Variants in TRIM37 observed in about 807,000 individuals in gnomAD.
The protein encoded by TRIM37 is tripartite motif containing 37.
Under a neutral mutation model 129.8 loss-of-function variants are expected in TRIM37, and 80 were observed. The ratio of observed to expected loss-of-function variants is 0.62; its 90% CI spans 0.51 to 0.74. The LOEUF (loss-of-function observed/expected upper bound fraction) is 0.74, where lower values mean the gene tolerates loss of function less well. Ranked by LOEUF, TRIM37 falls within the 30% of genes least tolerant of loss-of-function variation. The pLI is 0.00. For missense variants in TRIM37, 1,054 were observed against 1,176.5 expected (o/e 0.90, Z 1.52); for synonymous variants, 389 against 387.1 (o/e 1.00, Z -0.06).
At chr17:59,012,254 CCA>C in intron 22 of TRIM37, 72 bp downstream of exon 22, 4 of 977,922 alleles carry the variant, frequency 4.1e-6, no homozygotes, top group Non-Finnish European at 4.9e-6. Context: ...ACCACCACCA[CCA>C]CCCACCACCC....
intron 2 of TRIM37, among the ~76,000 whole-genome samples, chr17:59,097,748 AAAAG>A (rs1025282104): frequency 6.6e-6 from 1 of 152,192 alleles, no homozygotes; most frequent in African/African-American, 2.4e-5. Flanking sequence ...ATAAAAAACA[AAAAG>A]AAAGACTTAT....
downstream of TRIM37, chr17:58,980,774 C>T (rs146379787): frequency 2.0e-5 from 33 of 1,614,014 alleles, no homozygotes; most frequent in East Asian, 2.0e-4. This position sits in a 1 kb window ranked among gnomAD's most constrained non-coding sequence, Gnocchi z 4.7. Flanking sequence ...GTCTCATTTA[C>T]GCCACCACTA....
At chr17:59,003,922 TAAAAA>T (rs60843441) in intron 22 of TRIM37, among the ~76,000 whole-genome samples, 1 of 89,578 alleles carries the variant, frequency 1.1e-5, no homozygotes, top group African/African-American at 4.3e-5. Flanking sequence ...CCCATCTCTA[TAAAAA>T]AAAAAAAAAA....
chr17:59,047,836 A>G lies in TRIM37; in HGVS notation c.1531-17T>C, dbSNP rs779684122. 30 of 1,613,466 alleles carry G rather than the reference A, an allele frequency of 1.9e-5. No individual in the cohort carries two copies. The South Asian group carries it at 3.2e-4, about 17-fold the overall frequency. On this transcript the variant is annotated splice_polypyrimidine_tract_variant and intron_variant, in intron 15 of 23. Coordinates refer to ENST00000262294, the MANE Select transcript of TRIM37 (RefSeq NM_015294.6). ...AAGCTCGTGCTAGATCAATGCCAAGAAAACAAGACGTCTATTCCAAATGTT... is the reference window on the plus strand; with the variant it reads ...AAGCTCGTGCTAGATCAATGCCAAGGAAACAAGACGTCTATTCCAAATGTT...
Position 59,051,082 on chromosome 17 carries a change from A to G in TRIM37, c.1314+132T>C, listed in dbSNP as rs182089981. On this transcript the variant is annotated intron_variant, in intron 14 of 23. Coordinates refer to ENST00000262294, the MANE Select transcript of TRIM37 (RefSeq NM_015294.6). ...AGAACTGGTAAGGATGGGGAACAAG[A>G]TAACTAGATTTTTTTTCTAATTACA... is the stretch of plus-strand genomic sequence containing the variant. 4.3e-5 allele frequency: 29 copies of G among 668,656 alleles called. No homozygotes were observed. In the East Asian group the frequency reaches 7.6e-4, roughly 17 times the overall value. The allele number at this position is 668,656 out of a possible 1,614,324, so 41.4% of individuals were successfully genotyped here.
chr17:59,029,137 C>T (rs2037553957), intron 18 of TRIM37, among the ~76,000 whole-genome samples: 2 of 152,064 alleles, frequency 1.3e-5, no homozygotes, highest in African/African-American at 4.8e-5. Context: ...ATTAAAAATA[C>T]ATATTTCTGG....
rs556102216 is a variant in TRIM37, at chr17:59,042,258, C to A, written c.1668-360G>T. ...GGGTGTGGTGGCAGGCACCTGTAGT[C>A]CCAGCTACTCAGGAGGCTGAATCAG... On this transcript the variant is annotated intron_variant, in intron 16 of 23. Transcript: ENST00000262294. Among the ~76,000 whole-genome samples the A allele has an allele frequency of 2.0e-5, 3 of 150,006 alleles. No individual in the cohort carries two copies. In the South Asian group the frequency reaches 6.4e-4, roughly 32 times the overall value.
chr17:59,040,851 C>T (rs2039063445), intron 17 of TRIM37, among the ~76,000 whole-genome samples: 1 of 151,396 alleles, frequency 6.6e-6, no homozygotes, highest in African/African-American at 2.4e-5. Flanking sequence ...TCAAGACCAT[C>T]CTGGCTAACA....
chr17:59,078,518 T>C (rs1568187818), intron 7 of TRIM37, among the ~76,000 whole-genome samples: 1 of 152,162 alleles, frequency 6.6e-6, no homozygotes, highest in Non-Finnish European at 1.5e-5. Flanking sequence ...AAATGTTTAT[T>C]TGGCTACGAC....
downstream of TRIM37, among the ~76,000 whole-genome samples, chr17:58,979,653 C>A (rs2031246604): frequency 6.6e-6 from 1 of 152,132 alleles, no homozygotes; most frequent in Admixed American, 6.6e-5. Context: ...TTTTTCAGTA[C>A]AGCAACAAAC....
chr17:59,046,633 T>C (rs1167832790), intron 16 of TRIM37, among the ~76,000 whole-genome samples: 5 of 148,932 alleles, frequency 3.4e-5, no homozygotes, highest in Admixed American at 2.7e-4. Flanking sequence ...GCCTCCCGGG[T>C]TCACCCCATT....
chr17:59,008,190 T>G lies in TRIM37; in HGVS notation c.2695+4138A>C, dbSNP rs148141818. 2.3e-3 allele frequency among the ~76,000 whole-genome samples: 346 copies of G among 152,312 alleles called. 6 individuals are homozygous for G. The highest frequency in any genetic ancestry group is 0.016 in the Admixed American group (252 of 15,292). On this transcript the variant is annotated intron_variant, in intron 22 of 23. Transcript: ENST00000262294. The stretch of plus-strand genomic sequence containing the variant: ...CAGTTAGTCTCCTTCTCACAGTCTA[T>G]CCTGGGACTCTGGAGGTAAACAAGC...
At chr17:59,053,774 A>G (rs527817654) in intron 13 of TRIM37, among the ~76,000 whole-genome samples, 3 of 152,312 alleles carry the variant, frequency 2.0e-5, no homozygotes, top group Non-Finnish European at 4.4e-5. Context: ...CTGAAAAGCT[A>G]TACGAAGAAA....
intron 8 of TRIM37, among the ~76,000 whole-genome samples, chr17:59,071,725 T>G (rs1460908367): frequency 2.0e-5 from 3 of 152,146 alleles, no homozygotes; most frequent in African/African-American, 7.2e-5. Context: ...TGGGAAAAAG[T>G]AACAAATCTA....
downstream of TRIM37, among the ~76,000 whole-genome samples, chr17:58,995,799 C>T (rs991787191): frequency 5.3e-5 from 8 of 151,940 alleles, no homozygotes; most frequent in East Asian, 1.9e-4. Flanking sequence ...GAGGCTGAGA[C>T]GGGAGGGTCA....
chr17:59,037,334 A>G (rs1047540941), intron 17 of TRIM37, among the ~76,000 whole-genome samples: 12 of 151,872 alleles, frequency 7.9e-5, no homozygotes, highest in African/African-American at 2.9e-4. Context: ...CAAGGAGGGC[A>G]GATCACAAGA....
chr17:59,082,774 T>C (rs962648930), intron 5 of TRIM37, among the ~76,000 whole-genome samples: 8 of 152,240 alleles, frequency 5.3e-5, no homozygotes, highest in African/African-American at 1.9e-4. Context: ...TATCCCATTA[T>C]TGTCTCCAAA....
intron 3 of TRIM37, among the ~76,000 whole-genome samples, chr17:59,090,916 C>A (rs1357957806): frequency 6.6e-6 from 1 of 152,096 alleles, no homozygotes; most frequent in Non-Finnish European, 1.5e-5. Flanking sequence ...ATGAGCGAGC[C>A]ACTGTGCCCG....
At chr17:59,060,967 CA>C in intron 12 of TRIM37, 64 bp downstream of exon 12, 2 of 1,223,854 alleles carry the variant, frequency 1.6e-6, no homozygotes, top group East Asian at 4.8e-5. Flanking sequence ...TAAAAATTAA[CA>C]AAAATTGCTA....
Sources: allele counts gnomAD v4.1 joint callset (sites outside exome capture counted in the v4.1 genomes callset), GRCh38; gene constraint gnomAD v4.1.1; non-coding constraint Gnocchi (gnomAD v3.1); transcripts MANE v1.5; gene names NCBI Gene and HGNC (gene_info 2026-07-23, HGNC 2026-07-21).